Variants in PPARD observed in about 807,000 individuals in gnomAD.
PPARD encodes peroxisome proliferator-activated receptor delta.
Under a neutral mutation model 39.5 loss-of-function variants are expected in PPARD, and 6 were observed. The observed-to-expected ratio is 0.15, with a 90% CI of 0.08 to 0.30. PPARD has a LOEUF of 0.30. Ranked by LOEUF, PPARD falls within the 10% of genes least tolerant of loss-of-function variation. The pLI, the probability that PPARD is intolerant of heterozygous loss-of-function variation, is 1.00. For synonymous variants in PPARD, 210 were observed against 231.3 expected, an observed-to-expected ratio of 0.91 and a Z score of 0.83; for missense variants, 397 against 596.8, an observed-to-expected ratio of 0.67 and a Z score of 3.49.
At chr6:35,379,110 T>C (rs928039147) in intron 2 of PPARD, among the ~76,000 whole-genome samples, 10 of 151,144 alleles carry the variant, frequency 6.6e-5, no homozygotes, top group Middle Eastern at 3.4e-3. Context: ...TTTTTTTTTT[T>C]TTTCTTTTTT....
chr6:35,405,696 C>T (rs1765004151), intron 2 of PPARD, among the ~76,000 whole-genome samples: 1 of 151,680 alleles, frequency 6.6e-6, no homozygotes, highest in Non-Finnish European at 1.5e-5. Flanking sequence ...GTGGTGCGAT[C>T]TCGGCCCACT....
intron 2 of PPARD, among the ~76,000 whole-genome samples, chr6:35,391,664 C>T (rs999948605): frequency 1.3e-5 from 2 of 152,130 alleles, no homozygotes; most frequent in Non-Finnish European, 2.9e-5. Flanking sequence ...TTCTCTGTCA[C>T]GTGTAGCTGC....
At position 35,392,518 on chromosome 6, in the gene PPARD, A is replaced by G. The variant is rs926198334; in HGVS notation, c.-101-18469A>G. ...TCCCCAGATTGGCCCAGGAATTCCA[A>G]GGCCAGTCCAGATGGATGAAGGAAG... On this transcript the variant is annotated intron_variant, in intron 2 of 7. Transcript: ENST00000360694. Among the ~76,000 whole-genome samples the G allele has an allele frequency of 1.2e-4, 18 of 152,222 alleles. No individual in the cohort carries two copies. In the East Asian group the frequency reaches 3.1e-3, roughly 26 times the overall value.
chr6:35,425,878 C>T lies in PPARD; in HGVS notation c.1125C>T (p.Asp375=), dbSNP rs958570537. 3.1e-6 allele frequency: 5 copies of T among 1,614,046 alleles called. No homozygotes were observed. In the African/African-American group the frequency reaches 5.3e-5, roughly 17 times the overall value. ...MNVPRVEAIQ[D]TILRALEFHL... ...TTCCACGGGTGGAGGCTATCCAGGA[C>T]ACCATCCTGCGTGCCCTCGAATTCC... Residue 375 remains aspartate, a synonymous_variant, in exon 8 of 8, where the codon GAC becomes GAT. Transcript: ENST00000360694. This position sits in a 1 kb window ranked among gnomAD's most constrained non-coding sequence, Gnocchi z 4.5.
chr6:35,357,079 G>A (rs1761660438), intron 2 of PPARD, among the ~76,000 whole-genome samples: 2 of 152,222 alleles, frequency 1.3e-5, no homozygotes, highest in Non-Finnish European at 2.9e-5. Flanking sequence ...TTTTGTGTCT[G>A]GTTAGAAGCC....
chr6:35,408,208 G>A (rs1421712897), intron 2 of PPARD, among the ~76,000 whole-genome samples: 1 of 152,198 alleles, frequency 6.6e-6, no homozygotes, highest in African/African-American at 2.4e-5. Context: ...GCAGAAGTTT[G>A]TCTCTCTATT....
intron 2 of PPARD, among the ~76,000 whole-genome samples, chr6:35,385,867 G>C (rs1040346912): frequency 5.3e-5 from 8 of 152,066 alleles, no homozygotes; most frequent in Non-Finnish European, 1.0e-4. Context: ...GCAGCGGATG[G>C]ATTGAGCAGG....
intron 2 of PPARD, among the ~76,000 whole-genome samples, chr6:35,349,516 C>T (rs375883004): frequency 2.6e-5 from 4 of 152,056 alleles, no homozygotes; most frequent in East Asian, 1.9e-4. Flanking sequence ...ATAAAGTTTA[C>T]GTATTTGCGT....
chr6:35,422,766 A>G (rs1766262617), intron 5 of PPARD, among the ~76,000 whole-genome samples: 1 of 152,148 alleles, frequency 6.6e-6, no homozygotes, highest in Non-Finnish European at 1.5e-5. Flanking sequence ...AACTGACTGA[A>G]TCCCTCTCCT....
chr6:35,424,340 C>T lies in PPARD; in HGVS notation c.639C>T (p.Ile213=). 6.2e-7 allele frequency: 1 copy of T among 1,611,398 alleles called. No individual in the cohort carries two copies. Among genetic ancestry groups the T allele is most frequent in the Non-Finnish European group, 8.5e-7 (1 of 1,177,694 alleles). Residue 213 remains isoleucine, a synonymous_variant, in exon 7 of 8, where the codon ATC becomes ATT. Transcript: ENST00000360694. The surrounding 1 kb of genome is among the most constrained non-coding windows in gnomAD (Gnocchi z 7.1). Reference sequence around the variant, plus strand: ...GGCCTGGTTTTCAGCCCTTTGTGATCCACGACATCGAGACATTGTGGCAGG... The same window carrying T: ...GGCCTGGTTTTCAGCCCTTTGTGATTCACGACATCGAGACATTGTGGCAGG... ...GKASHTAPFV[I]HDIETLWQAE...
At chr6:35,399,193 G>C (rs1373922592) in intron 2 of PPARD, among the ~76,000 whole-genome samples, 1 of 151,928 alleles carries the variant, frequency 6.6e-6, no homozygotes, top group African/African-American at 2.4e-5. Context: ...ACTTGAGGTG[G>C]GTTCAAGACT....
chr6:35,385,028 C>G lies in PPARD; in HGVS notation c.-101-25959C>G, dbSNP rs1412954804. Among the ~76,000 whole-genome samples, 29 of 144,378 alleles carry G rather than the reference C, an allele frequency of 2.0e-4. No homozygotes were observed. In the East Asian group the frequency reaches 5.7e-3, roughly 29 times the overall value. 94.7% of individuals were successfully genotyped at this position (144,378 alleles called of 152,430 possible). The stretch of plus-strand genomic sequence containing the variant: ...AGGGAGGTGGGAGGGGTCAGCCCCC[C>G]ACCCGGCCAGCCGCCCCGTCCGGGA... On this transcript the variant is annotated intron_variant, in intron 2 of 7. Coordinates refer to ENST00000360694, the MANE Select transcript of PPARD (RefSeq NM_006238.5).
intron 2 of PPARD, among the ~76,000 whole-genome samples, chr6:35,385,948 G>T (rs1369348881): frequency 6.6e-6 from 1 of 152,116 alleles, no homozygotes; most frequent in Non-Finnish European, 1.5e-5. Flanking sequence ...CATTTCAAGG[G>T]CGGGTGAGGG....
chr6:35,367,292 G>T (rs910319143), intron 2 of PPARD, among the ~76,000 whole-genome samples: 19 of 152,170 alleles, frequency 1.2e-4, no homozygotes, highest in African/African-American at 4.3e-4. Flanking sequence ...CCTGTGCTTT[G>T]TGTATGAAGA....
At chr6:35,351,366 G>A (rs1473519675) in intron 2 of PPARD, among the ~76,000 whole-genome samples, 1 of 152,144 alleles carries the variant, frequency 6.6e-6, no homozygotes, top group Admixed American at 6.5e-5. Context: ...AAGGGCTTAT[G>A]TTTACCATGT....
At chr6:35,411,438 C>T (rs1395421749) in intron 3 of PPARD, among the ~76,000 whole-genome samples, 1 of 152,242 alleles carries the variant, frequency 6.6e-6, no homozygotes, top group East Asian at 1.9e-4. Flanking sequence ...TTCTGTAAAA[C>T]AGGCCAAAGG....
chr6:35,357,749 C>G (rs1481163772), intron 2 of PPARD, among the ~76,000 whole-genome samples: 1 of 151,944 alleles, frequency 6.6e-6, no homozygotes, highest in Non-Finnish European at 1.5e-5. Flanking sequence ...CTTGGCCAGG[C>G]TGGTCTCAAA....
At chr6:35,385,751 C>T (rs1763609170) in intron 2 of PPARD, among the ~76,000 whole-genome samples, 1 of 151,572 alleles carries the variant, frequency 6.6e-6, no homozygotes, top group Non-Finnish European at 1.5e-5. Context: ...ATTATAAGGC[C>T]CCTGCGAGGC....
intron 1 of PPARD, 125 bp downstream of exon 1, chr6:35,342,806 G>A (rs912123925): frequency 6.6e-6 from 1 of 152,244 alleles, no homozygotes; most frequent in African/African-American, 2.4e-5. Context: ...GGGAGCTGCC[G>A]GGGTCCGCGG....
Sources: gnomAD v4.1 joint callset for allele counts (sites outside exome capture counted in the v4.1 genomes callset) on GRCh38, gnomAD v4.1.1 for gene constraint, Gnocchi (gnomAD v3.1) non-coding constraint, MANE v1.5 for transcripts, NCBI Gene and HGNC (gene_info 2026-07-23, HGNC 2026-07-21) for gene names.